The following RBFOX1 variants were observed in gnomAD, a reference collection of about 807,000 sequenced individuals.
RBFOX1 encodes RNA binding fox-1 homolog 1, also known as RNA binding protein fox-1 homolog 1.
RBFOX1 carries 8 observed loss-of-function variants against 57.7 expected under a neutral mutation model. That is an observed-to-expected ratio of 0.14 (90% confidence interval 0.08 to 0.25). The LOEUF is 0.25. Ranked by LOEUF, RBFOX1 falls within the 10% of genes least tolerant of loss-of-function variation. The probability of loss-of-function intolerance (pLI) is 1.00; values close to 1 mark genes in which losing one functional copy is unlikely to be tolerated. For missense variants in RBFOX1, 611 were observed against 548.5 expected, an observed-to-expected ratio of 1.11 and a Z score of -1.14; for synonymous variants, 326 against 222.4, an observed-to-expected ratio of 1.47 and a Z score of -4.15.
intron 5 of RBFOX1, among the ~76,000 whole-genome samples, chr16:7,573,400 C>A (rs1335576154): frequency 6.6e-6 from 1 of 152,036 alleles, no homozygotes; most frequent in Non-Finnish European, 1.5e-5. Flanking sequence ...GGCCACTTTC[C>A]CGTCCACCTC....
At chr16:5,832,998 G>A (rs931386687) in intron 3 of RBFOX1, among the ~76,000 whole-genome samples, 1 of 152,156 alleles carries the variant, frequency 6.6e-6, no homozygotes, top group African/African-American at 2.4e-5. Flanking sequence ...TGAGAATCAG[G>A]TGAAAGCCAC....
intron 4 of RBFOX1, among the ~76,000 whole-genome samples, chr16:6,005,178 G>A (rs1194609210): frequency 2.6e-5 from 4 of 152,186 alleles, no homozygotes; most frequent in Non-Finnish European, 5.9e-5. Flanking sequence ...GACTTCAAAT[G>A]CGGAAGTTTA....
intron 2 of RBFOX1, among the ~76,000 whole-genome samples, chr16:5,518,976 C>T (rs1210942714): frequency 6.6e-6 from 1 of 152,102 alleles, no homozygotes; most frequent in African/African-American, 2.4e-5. Context: ...GGATGGGTGG[C>T]CCTCATCCAT....
intron 4 of RBFOX1, among the ~76,000 whole-genome samples, chr16:7,227,362 C>G (rs959999799): frequency 6.6e-6 from 1 of 150,562 alleles, no homozygotes; most frequent in African/African-American, 2.4e-5. Context: ...CCCCCTCTCA[C>G]TTAGCTCACT....
intron 3 of RBFOX1, among the ~76,000 whole-genome samples, chr16:6,916,953 G>A (rs778764874): frequency 3.3e-5 from 5 of 152,012 alleles, no homozygotes; most frequent in South Asian, 2.1e-4. Flanking sequence ...AGGTTCAAGC[G>A]GTTTTCCTGC....
chr16:6,876,547 TAA>T (rs1261502803), intron 3 of RBFOX1, among the ~76,000 whole-genome samples: 1 of 152,160 alleles, frequency 6.6e-6, no homozygotes, highest in Non-Finnish European at 1.5e-5. Flanking sequence ...TGCAAAAAAT[TAA>T]GTCACTTCTA....
At chr16:7,404,769 G>A (rs527405272) in intron 4 of RBFOX1, among the ~76,000 whole-genome samples, 7 of 152,122 alleles carry the variant, frequency 4.6e-5, no homozygotes, top group African/African-American at 1.7e-4. Context: ...TTGTTGTCAC[G>A]TCTTTATCAG....
At chr16:5,633,292 C>T (rs557399776) in intron 3 of RBFOX1, among the ~76,000 whole-genome samples, 52 of 152,200 alleles carry the variant, frequency 3.4e-4, no homozygotes, top group African/African-American at 1.2e-3. Flanking sequence ...CACTCTTCTC[C>T]CTGGAACCAC....
rs532680879 is a variant in RBFOX1 at position 5,683,785 on chromosome 16, ATAT to A, written c.318+84828_318+84830del. Among the ~76,000 whole-genome samples, 698 of 148,210 alleles carry A rather than the reference ATAT, an allele frequency of 4.7e-3. 11 individuals are homozygous for A. Among genetic ancestry groups the A allele is most frequent in the African/African-American group, 0.017 (682 of 40,864 alleles). ...ATATAATATATATACTGTATTATTT[ATAT>A]TATATGTTTTATATATTATATACAA... On this transcript the variant is annotated intron_variant, in intron 3 of 19. Transcript: ENST00000641259.
chr16:6,911,562 A>G (rs562980723), intron 3 of RBFOX1, among the ~76,000 whole-genome samples: 3 of 152,144 alleles, frequency 2.0e-5, no homozygotes, highest in Non-Finnish European at 4.4e-5. Context: ...ATATTGAACT[A>G]TGACCCATAA....
At chr16:6,513,326 C>T (rs1360683313) in intron 2 of RBFOX1, among the ~76,000 whole-genome samples, 1 of 152,188 alleles carries the variant, frequency 6.6e-6, no homozygotes, top group South Asian at 2.1e-4. Context: ...TCAGCTTCTC[C>T]TCCTTGTTGT....
At chr16:6,808,305 A>G (rs1316666753) in intron 3 of RBFOX1, among the ~76,000 whole-genome samples, 2 of 151,692 alleles carry the variant, frequency 1.3e-5, no homozygotes, top group Non-Finnish European at 2.9e-5. Context: ...TGCCTTTCTA[A>G]TATCACCCCA....
chr16:6,604,021 G>T (rs564085529), intron 2 of RBFOX1, among the ~76,000 whole-genome samples: 3 of 152,196 alleles, frequency 2.0e-5, no homozygotes, highest in South Asian at 4.1e-4. Context: ...GTCCTTTCAT[G>T]TAGCTGCCTT....
chr16:6,009,814 GTC>G (rs1303898621), intron 4 of RBFOX1, among the ~76,000 whole-genome samples: 9 of 143,920 alleles, frequency 6.3e-5, no homozygotes, highest in East Asian at 4.2e-4. Context: ...GTGTGTGTGT[GTC>G]TGTGTGTGTG....
intron 4 of RBFOX1, among the ~76,000 whole-genome samples, chr16:7,281,406 G>C (rs942899459): frequency 1.3e-5 from 2 of 151,874 alleles, no homozygotes; most frequent in Non-Finnish European, 2.9e-5. Context: ...AGGTGACTTT[G>C]TGCAAAACAC....
intron 4 of RBFOX1, among the ~76,000 whole-genome samples, chr16:7,118,547 C>G (rs908353135): frequency 3.3e-5 from 5 of 152,088 alleles, no homozygotes; most frequent in Non-Finnish European, 5.9e-5. Context: ...TCCATGTAAG[C>G]AAAAGCCACC....
chr16:6,782,496 A>G lies in RBFOX1; in HGVS notation c.-16+127846A>G, dbSNP rs534653522. On this transcript the variant is annotated intron_variant, in intron 3 of 15. Transcript: ENST00000550418. ...ATCTCTTCATGTTTTCTATTTTTTC[A>G]TGGTTCAATCTTGGTAGGAATTTTA... Among the ~76,000 whole-genome samples the G allele has an allele frequency of 2.6e-4, 40 of 151,686 alleles. No homozygotes were observed. In the South Asian group the frequency reaches 8.3e-3, roughly 32 times the overall value.
At chr16:5,899,876 C>A (rs559820964) in intron 4 of RBFOX1, among the ~76,000 whole-genome samples, 1 of 152,266 alleles carries the variant, frequency 6.6e-6, no homozygotes, top group African/African-American at 2.4e-5. Flanking sequence ...GAGTTCGAGA[C>A]TAGCCTGGGC....
chr16:7,308,270 A>T (rs1319397230), intron 4 of RBFOX1, among the ~76,000 whole-genome samples: 1 of 147,752 alleles, frequency 6.8e-6, no homozygotes, highest in East Asian at 2.0e-4. Context: ...TCTGATGCAA[A>T]CTGCGTGTCA....
Sources: allele counts gnomAD v4.1 joint callset (sites outside exome capture counted in the v4.1 genomes callset), GRCh38; gene constraint gnomAD v4.1.1; transcripts MANE v1.5; gene names NCBI Gene and HGNC (gene_info 2026-07-23, HGNC 2026-07-21).